The following HACE1 variants were observed in gnomAD, a reference collection of about 807,000 sequenced individuals.
HACE1 encodes the protein HECT domain and ankyrin repeat containing E3 ubiquitin protein ligase 1.
A neutral mutation model predicts 118.4 loss-of-function variants in HACE1; 73 were observed. The ratio of observed to expected loss-of-function variants is 0.62; its 90% CI spans 0.51 to 0.75. The LOEUF (loss-of-function observed/expected upper bound fraction) is 0.75, where lower values mean the gene tolerates loss of function less well. Ranked by LOEUF, HACE1 falls within the 30% of genes least tolerant of loss-of-function variation. The pLI is 0.00. For synonymous variants in HACE1, 368 were observed against 374.8 expected (o/e 0.98, Z 0.21); for missense variants, 749 against 1,102.2 (o/e 0.68, Z 4.54).
At chr6:104,794,638 G>A (rs140142086) in intron 10 of HACE1, among the ~76,000 whole-genome samples, 8 of 152,342 alleles carry the variant, frequency 5.3e-5, no homozygotes, top group South Asian at 4.1e-4. Flanking sequence ...GCGCATTGGC[G>A]CACGCCTGTA....
intron 19 of HACE1, among the ~76,000 whole-genome samples, chr6:104,758,858 C>A (rs544816853): frequency 3.3e-5 from 5 of 151,236 alleles, no homozygotes; most frequent in South Asian, 2.1e-4. Flanking sequence ...GGAAGATCTA[C>A]CAAGCAAATG....
chr6:104,841,392 T>C (rs1019485815), intron 5 of HACE1, among the ~76,000 whole-genome samples: 3 of 152,188 alleles, frequency 2.0e-5, no homozygotes, highest in Non-Finnish European at 4.4e-5. Flanking sequence ...ATGCCTAAAC[T>C]GGTTAGTGTC....
At chr6:104,741,110 A>AC (rs556357170) in intron 22 of HACE1, among the ~76,000 whole-genome samples, 6,387 of 62,256 alleles carry the variant, frequency 0.1, 706 homozygotes, top group African/African-American at 0.2. Context: ...AAATTCAACA[A>AC]CCTTCATGCT....
chr6:104,787,699 G>A (rs553174522), intron 11 of HACE1, among the ~76,000 whole-genome samples: 2 of 152,282 alleles, frequency 1.3e-5, no homozygotes, highest in African/African-American at 4.8e-5. Flanking sequence ...GATGAGCACT[G>A]AGTCTAAACC....
At chr6:104,822,503 T>C (rs1020300993) in intron 6 of HACE1, among the ~76,000 whole-genome samples, 17 of 151,826 alleles carry the variant, frequency 1.1e-4, no homozygotes, top group Admixed American at 2.6e-4. Context: ...CAGTGAGCTA[T>C]GATCACACCA....
intron 6 of HACE1, among the ~76,000 whole-genome samples, chr6:104,820,466 A>G (rs955115900): frequency 6.6e-6 from 1 of 152,228 alleles, no homozygotes; most frequent in Non-Finnish European, 1.5e-5. Flanking sequence ...AATATCCAGC[A>G]TCTATAAGGA....
At chr6:104,753,318 T>C (rs186354819) in intron 19 of HACE1, among the ~76,000 whole-genome samples, 2 of 152,266 alleles carry the variant, frequency 1.3e-5, no homozygotes, top group African/African-American at 4.8e-5. Context: ...ACCTGCTGGC[T>C]TTGGAGAATA....
intron 22 of HACE1, among the ~76,000 whole-genome samples, chr6:104,734,165 AATC>A (rs1294269597): frequency 1.3e-5 from 2 of 151,050 alleles, no homozygotes; most frequent in Non-Finnish European, 2.9e-5. Flanking sequence ...AAAAAAAAGA[AATC>A]ATCAAGTCTG....
intron 7 of HACE1, among the ~76,000 whole-genome samples, chr6:104,800,448 A>T (rs1478120738): frequency 6.6e-6 from 1 of 152,162 alleles, no homozygotes; most frequent in African/African-American, 2.4e-5. Context: ...CCTAACTAGG[A>T]GACACCTCCT....
Position 104,744,365 on chromosome 6 carries a change from G to C in HACE1, c.2443-135C>G, listed in dbSNP as rs185627491. 1.1e-3 allele frequency: 915 copies of C among 804,804 alleles called. 5 individuals carry two copies. The East Asian group carries it at 0.019, about 17-fold the overall frequency. 49.9% of individuals were successfully genotyped at this position (804,804 alleles called of 1,614,324 possible). ...TTTACCAAAAATGATTTCATGCAAA[G>C]CTTTCATATGCACTATTCCCACAAG... On this transcript the variant is annotated intron_variant, in intron 21 of 23. Transcript: ENST00000262903.
intron 4 of HACE1, among the ~76,000 whole-genome samples, chr6:104,844,076 C>T (rs1775380375): frequency 8.2e-6 from 1 of 122,164 alleles, no homozygotes; most frequent in South Asian, 3.0e-4. Flanking sequence ...CTCTTGTTGC[C>T]CAGGCTGGAG....
Position 104,729,710 on chromosome 6 carries a change from T to A in HACE1, c.2682A>T (p.Arg894Ser). 6.3e-7 allele frequency: 1 copy of A among 1,594,500 alleles called. No homozygotes were observed. The highest frequency in any genetic ancestry group is 8.6e-7 in the Non-Finnish European group (1 of 1,162,424). The change falls in exon 24 of 24, where the codon AGA becomes AGT. Residue 894 changes from arginine (R) to serine (S), a missense_variant. By Grantham distance (110) the Arg-to-Ser change is moderately radical. Transcript: ENST00000262903. ...EYPSKEILKD[R>S]LLVALHCGSY... ...TGCCACAATGTAGTGCCACAAGAAG[T>A]CTGTCCTTGAGTATTTCTTTACTTG... is the stretch of plus-strand genomic sequence containing the variant.
intron 19 of HACE1, 91 bp downstream of exon 19, chr6:104,771,102 T>C (rs1780558599): frequency 3.3e-6 from 3 of 902,204 alleles, no homozygotes; most frequent in South Asian, 2.7e-5. Context: ...AGTAAAAGTT[T>C]TTCTACAAGT....
intron 14 of HACE1, among the ~76,000 whole-genome samples, chr6:104,783,616 G>A (rs1310950469): frequency 6.6e-6 from 1 of 152,174 alleles, no homozygotes; most frequent in Admixed American, 6.5e-5. Flanking sequence ...GAGATGTATG[G>A]AATGAACAGG....
intron 20 of HACE1, among the ~76,000 whole-genome samples, chr6:104,744,978 TA>T (rs1777244062): frequency 6.6e-6 from 1 of 152,266 alleles, no homozygotes; most frequent in African/African-American, 2.4e-5. Context: ...TTAACTTCTG[TA>T]AGGAGACAGT....
In HACE1 at chr6:104,859,788, G is replaced by A; in HGVS notation, c.-146C>T. ...GAGCACTGAGCTGCGAGGGCTGCCT[G>A]GGGCCACGTCCTGCGTCCGGGGGCC... is the stretch of plus-strand genomic sequence containing the variant. On this transcript the variant is annotated 5_prime_UTR_variant, in exon 1 of 24. Coordinates refer to ENST00000262903, the MANE Select transcript of HACE1 (RefSeq NM_020771.4). 1 of 703,066 alleles carries A rather than the reference G, an allele frequency of 1.4e-6. No individual in the cohort carries two copies. Among genetic ancestry groups the A allele is most frequent in the Non-Finnish European group, 2.2e-6 (1 of 447,308 alleles). 43.6% of individuals were successfully genotyped at this position (703,066 alleles called of 1,614,324 possible).
intron 2 of HACE1, 89 bp downstream of exon 2, chr6:104,852,228 T>TGTGTGCGCGC: frequency 3.0e-6 from 2 of 660,804 alleles, no homozygotes; most frequent in Non-Finnish European, 5.5e-6. Flanking sequence ...TGTGTGTGTG[T>TGTGTGCGCGC]GCGCGCGTGC....
chr6:104,748,263 T>G (rs1173798610), intron 20 of HACE1, among the ~76,000 whole-genome samples: 2 of 149,504 alleles, frequency 1.3e-5, no homozygotes, highest in Non-Finnish European at 1.5e-5. Context: ...AAAAACACAA[T>G]AGAAAAGTGG....
chr6:104,843,168 A>G (rs1255466278), intron 5 of HACE1, 55 bp downstream of exon 5: 13 of 933,914 alleles, frequency 1.4e-5, no homozygotes, highest in Non-Finnish European at 2.3e-5. Context: ...GTCACATTCA[A>G]TATCATTTTC....
Sources: gnomAD v4.1 joint callset for allele counts (sites outside exome capture counted in the v4.1 genomes callset) on GRCh38, gnomAD v4.1.1 for gene constraint, MANE v1.5 for transcripts, NCBI Gene and HGNC (gene_info 2026-07-23, HGNC 2026-07-21) for gene names.